Variants in CD109 observed in about 807,000 individuals in gnomAD.
CD109 encodes CD109 antigen.
Under a neutral mutation model 165.8 loss-of-function variants are expected in CD109, and 149 were observed. That is an observed-to-expected ratio of 0.90 (90% CI 0.79 to 1.03). The LOEUF (loss-of-function observed/expected upper bound fraction) is 1.03, where lower values mean the gene tolerates loss of function less well. Among genes scored for constraint, CD109 ranks in the 50% least tolerant of loss-of-function variants. The pLI, the probability that CD109 is intolerant of heterozygous loss-of-function variation, is 0.00. For missense variants in CD109, 1,712 were observed against 1,677.8 expected, an observed-to-expected ratio of 1.02 and a Z score of -0.36; for synonymous variants, 585 against 592.1, an observed-to-expected ratio of 0.99 and a Z score of 0.18.
intron 5 of CD109, among the ~76,000 whole-genome samples, chr6:73,740,648 C>T (rs529707477): frequency 1.7e-3 from 247 of 149,484 alleles, no homozygotes; most frequent in African/African-American, 4.6e-3. Flanking sequence ...TTGCCCAGGC[C>T]GTGGTGTGAT....
At chr6:73,803,095 C>A in intron 23 of CD109, 125 bp from the exon 24 acceptor site, 1 of 668,586 alleles carries the variant, frequency 1.5e-6, no homozygotes, top group Non-Finnish European at 2.6e-6. Flanking sequence ...TCAATATTAG[C>A]TCTTGGTTTG....
Position 73,798,124 on chromosome 6 carries a change from CT to C in CD109, c.2879-5088del, listed in dbSNP as rs1334788509. 4.6e-5 allele frequency among the ~76,000 whole-genome samples: 5 copies of C among 109,542 alleles called. No individual in the cohort carries two copies. In the East Asian group the frequency reaches 1.6e-3, roughly 35 times the overall value. 71.9% of individuals were successfully genotyped at this position (109,542 alleles called of 152,430 possible). A position where few individuals can be genotyped will look rare whatever the true frequency, so the allele number is the denominator to read the frequency against. ...ATCAGTGTCCTGTTTTTTTTTTTTT[CT>C]TTTTTTTGTGATGGAGTCTTGCTCT... On this transcript the variant is annotated intron_variant, in intron 23 of 32. Transcript: ENST00000287097.
intron 15 of CD109, among the ~76,000 whole-genome samples, chr6:73,774,195 A>G (rs576466030): frequency 6.6e-6 from 1 of 152,234 alleles, no homozygotes; most frequent in East Asian, 1.9e-4. Context: ...GTCACATGCT[A>G]TATGTTGTTT....
chr6:73,771,472 A>G lies in CD109; in HGVS notation c.1718A>G (p.Lys573Arg). ...WSKVKAEPSE[K>R]VSLRISVTQP... The stretch of plus-strand genomic sequence containing the variant: ...AAAGTGAAAGCTGAACCATCTGAGA[A>G]AGTCTCTCTTAGGATCTCTGTGACA... Residue 573 changes from lysine to arginine, a missense_variant, in exon 15 of 33, where the codon AAA (lysine) becomes AGA (arginine). Transcript: ENST00000287097. The G allele has an allele frequency of 1.2e-6, 2 of 1,608,766 alleles. No homozygotes were observed. Among genetic ancestry groups the G allele is most frequent in the Non-Finnish European group, 1.7e-6 (2 of 1,178,218 alleles).
chr6:73,712,225 T>A (rs1360792907), intron 2 of CD109, among the ~76,000 whole-genome samples: 1 of 152,034 alleles, frequency 6.6e-6, no homozygotes. Flanking sequence ...AAAAAAATTG[T>A]ATTTTAAAGT....
Position 73,788,501 on chromosome 6 carries a change from A to G in CD109, c.2590A>G (p.Ile864Val), listed in dbSNP as rs1303288260. ...EGIEKSYSQS[I>V]LLDLTDNRLQ... ...AATAGAAAAATCATATTCACAATCC[A>G]TCTTATTAGACTTGACTGACAATAG... The change falls in exon 22 of 33, where the codon ATC (isoleucine) becomes GTC (valine). Residue 864 changes from isoleucine to valine, a missense_variant. Transcript: ENST00000287097. 2 of 1,611,784 alleles carry G rather than the reference A, an allele frequency of 1.2e-6. No homozygotes were observed. The highest frequency in any genetic ancestry group is 1.7e-6 in the Non-Finnish European group (2 of 1,179,522).
In CD109 at chr6:73,760,164, T is replaced by C. The variant is rs559860586; in HGVS notation, c.758+1136T>C. 1.9e-3 allele frequency among the ~76,000 whole-genome samples: 288 copies of C among 152,106 alleles called. 2 individuals are homozygous for C. The highest frequency in any genetic ancestry group is 6.6e-3 in the African/African-American group (276 of 41,526). The stretch of plus-strand genomic sequence containing the variant: ...GGCTCACGCCTGTAATCCCAGCACT[T>C]TGGGAGGCCGAGGCGGGCGGGTCAC... On this transcript the variant is annotated intron_variant, in intron 7 of 32. Coordinates refer to ENST00000287097, the MANE Select transcript of CD109 (RefSeq NM_133493.5).
rs1423653130 is a variant in CD109 at position 73,763,594 on chromosome 6, G to A, written c.1016G>A (p.Ser339Asn). 1 of 1,577,848 alleles carries A rather than the reference G, an allele frequency of 6.3e-7. No individual in the cohort carries two copies. The highest frequency in any genetic ancestry group is 8.6e-7 in the Non-Finnish European group (1 of 1,157,182). ...AAAAAAGGTATTTCAAGAAATGTAA[G>A]CACTAATGTGTTCTTCAAGCAACAT... ...ESVTGISRNV[S>N]TNVFFKQHDY... The change falls in exon 10 of 33, where the codon AGC becomes AAC. Residue 339 changes from serine (S) to asparagine (N), a missense_variant. Coordinates refer to ENST00000287097, the MANE Select transcript of CD109 (RefSeq NM_133493.5).
Position 73,766,988 on chromosome 6 carries a change from G to T in CD109, c.1475G>T (p.Arg492Leu). Residue 492 changes from arginine to leucine, a missense_variant, in exon 13 of 33, where the codon CGA becomes CTA. Physicochemically the swap from Arg to Leu is moderately radical, Grantham distance 102 (BLOSUM62 -2). Transcript: ENST00000287097. Reference protein sequence around the residue: ...PFELVVSGNKRLKELSYMVVS... With the variant: ...PFELVVSGNKLLKELSYMVVS... ...GAGTTGGTGGTTAGTGGCAACAAAC[G>T]ATTGAAGGAGTTAAGCTATATGGTA... The T allele has an allele frequency of 6.2e-7, 1 of 1,613,390 alleles. No individual in the cohort carries two copies. The highest frequency in any genetic ancestry group is 8.5e-7 in the Non-Finnish European group (1 of 1,179,628).
intron 2 of CD109, among the ~76,000 whole-genome samples, chr6:73,709,917 A>C (rs1163133376): frequency 6.6e-6 from 1 of 152,214 alleles, no homozygotes; most frequent in African/African-American, 2.4e-5. Flanking sequence ...ACTCTCAATA[A>C]ATTAGGTATT....
At chr6:73,817,332 C>G (rs537955906) in intron 30 of CD109, among the ~76,000 whole-genome samples, 2 of 151,258 alleles carry the variant, frequency 1.3e-5, no homozygotes, top group Non-Finnish European at 2.9e-5. Flanking sequence ...TTTTTCTCAT[C>G]TATATTTTTT....
chr6:73,821,757 C>G (rs772831445), intron 32 of CD109, among the ~76,000 whole-genome samples: 4 of 152,282 alleles, frequency 2.6e-5, no homozygotes, highest in Non-Finnish European at 4.4e-5. Flanking sequence ...GGCTGAAACA[C>G]TCTCTATTGG....
chr6:73,682,713 T>C, the CD109 span, among the ~76,000 whole-genome samples: 6 of 152,236 alleles, frequency 3.9e-5, no homozygotes, highest in Non-Finnish European at 7.3e-5. Context: ...ATGAGGACAC[T>C]ACCCCTACAG....
chr6:73,696,052 T>C (rs1001390639), upstream of CD109: 28 of 645,544 alleles, frequency 4.3e-5, no homozygotes, highest in South Asian at 4.9e-4. Context: ...CTCCAAGTCC[T>C]GTCTCAATTT....
intron 22 of CD109, among the ~76,000 whole-genome samples, chr6:73,791,130 TACATAC>T (rs768987982): frequency 0.041 from 1,858 of 44,884 alleles, 25 homozygotes; most frequent in East Asian, 0.14. Flanking sequence ...TATATATACA[TACATAC>T]ATATATATAT....
At chr6:73,752,170 G>C (rs1157679524) in intron 5 of CD109, among the ~76,000 whole-genome samples, 1 of 152,158 alleles carries the variant, frequency 6.6e-6, no homozygotes, top group Non-Finnish European at 1.5e-5. Flanking sequence ...CCTTAGTTTT[G>C]ATTCTGGCAT....
Position 73,813,597 on chromosome 6 carries a change from C to G in CD109, c.3768+1327C>G, listed in dbSNP as rs75984511. Among the ~76,000 whole-genome samples, 1,284 of 152,174 alleles carry G rather than the reference C, an allele frequency of 8.4e-3. 6 individuals are homozygous for G. Among genetic ancestry groups the G allele is most frequent in the Non-Finnish European group, 9.8e-3 (667 of 68,000 alleles). On this transcript the variant is annotated intron_variant, in intron 29 of 32. Coordinates refer to ENST00000287097, the MANE Select transcript of CD109 (RefSeq NM_133493.5). Reference sequence around the variant, plus strand: ...CACTCAGAAATGGGTATTGAGATTTCTTACAGTTGATATTTTTATAAGTGC... The same window carrying G: ...CACTCAGAAATGGGTATTGAGATTTGTTACAGTTGATATTTTTATAAGTGC...
chr6:73,762,916 C>A, intron 9 of CD109, 34 bp downstream of exon 9: 1 of 1,554,802 alleles, frequency 6.4e-7, no homozygotes, highest in South Asian at 1.2e-5. Flanking sequence ...TAAAACTATT[C>A]ATGTGACACT....
chr6:73,802,287 G>A (rs5029511), intron 23 of CD109, among the ~76,000 whole-genome samples: 5,122 of 93,826 alleles, frequency 0.055, 130 homozygotes, highest in African/African-American at 0.064. Context: ...GTGTGTGTGT[G>A]TGTATATATA....
Sources: gnomAD v4.1 joint callset for allele counts (sites outside exome capture counted in the v4.1 genomes callset) on GRCh38, gnomAD v4.1.1 for gene constraint, MANE v1.5 for transcripts, NCBI Gene and HGNC (gene_info 2026-07-23, HGNC 2026-07-21) for gene names.